The following NCKAP5 variants were observed in gnomAD, a reference collection of about 807,000 sequenced individuals.
The protein encoded by NCKAP5 is nck-associated protein 5.
In NCKAP5, 92 loss-of-function variants were observed where a neutral mutation model predicts 167.0. The ratio of observed to expected loss-of-function variants is 0.55; its 90% CI spans 0.47 to 0.66. The LOEUF (loss-of-function observed/expected upper bound fraction) is 0.66. Among genes scored for constraint, NCKAP5 ranks in the 30% least tolerant of loss-of-function variants. The pLI is 0.00. For missense variants in NCKAP5, 2,378 were observed against 2,315.0 expected (o/e 1.03, Z -0.56); for synonymous variants, 891 against 877.4 (o/e 1.02, Z -0.27).
chr2:133,284,221 C>G (rs2090026927), intron 4 of NCKAP5, among the ~76,000 whole-genome samples: 1 of 151,534 alleles, frequency 6.6e-6, no homozygotes, highest in Non-Finnish European at 1.5e-5. Context: ...AATTACTAAC[C>G]CCTAAAATGT....
chr2:133,639,936 C>A, the NCKAP5 span, among the ~76,000 whole-genome samples: 1 of 152,080 alleles, frequency 6.6e-6, no homozygotes, highest in Non-Finnish European at 1.5e-5. Context: ...CCCACCAACA[C>A]AATTAGGAAT....
In NCKAP5 at chr2:132,783,407, T is replaced by C. The variant is rs752837739; in HGVS notation, c.3404A>G (p.Gln1135Arg). The C allele has an allele frequency of 8.8e-6, 14 of 1,594,832 alleles. No individual in the cohort carries two copies. In the Admixed American group the frequency reaches 2.2e-4, roughly 25 times the overall value. ...AKSHNSPHGC[Q>R]SAHEKGLKTR... is the part of the protein sequence containing the mutation. ...TTTCAGTCCTTTCTCATGAGCACTT[T>C]GACAACCATGAGGGCTGTTATGGCT... The change falls in exon 14 of 20, where the codon CAA (glutamine) becomes CGA (arginine). Residue 1135 changes from glutamine to arginine, a missense_variant. Gln to Arg is a conservative substitution (Grantham distance 43, BLOSUM62 1). This residue lies in a region of NCKAP5 where 1,325 missense variants were observed against 1,274.5 expected (regional missense o/e 1.04). Transcript: ENST00000409261.
intron 3 of NCKAP5, among the ~76,000 whole-genome samples, chr2:133,364,518 T>G (rs993903651): frequency 6.6e-6 from 1 of 152,152 alleles, no homozygotes; most frequent in Non-Finnish European, 1.5e-5. Context: ...AGTTGTCATT[T>G]CTCCTTAGTT....
At chr2:133,668,814 C>T in the NCKAP5 span, among the ~76,000 whole-genome samples, 100 of 152,232 alleles carry the variant, frequency 6.6e-4, no homozygotes, top group African/African-American at 2.3e-3. Flanking sequence ...CTGCTCCTTC[C>T]TATCTTTCCT....
At chr2:133,057,175 T>C (rs984602863) in intron 6 of NCKAP5, among the ~76,000 whole-genome samples, 5 of 152,166 alleles carry the variant, frequency 3.3e-5, no homozygotes, top group African/African-American at 1.2e-4. Context: ...ATTGGTCATT[T>C]CCCTGATTCC....
At chr2:133,544,485 A>G (rs1052697819) in intron 2 of NCKAP5, among the ~76,000 whole-genome samples, 1 of 152,206 alleles carries the variant, frequency 6.6e-6, no homozygotes, top group Admixed American at 6.5e-5. Flanking sequence ...TCCCCACTTA[A>G]TAATATGTCA....
At chr2:133,336,322 C>T (rs935976240) in intron 3 of NCKAP5, among the ~76,000 whole-genome samples, 2 of 152,062 alleles carry the variant, frequency 1.3e-5, no homozygotes, top group African/African-American at 2.4e-5. Context: ...TGATCGCACA[C>T]CAAGTAAGCG....
At chr2:133,497,094 G>A (rs1215861598) in intron 3 of NCKAP5, among the ~76,000 whole-genome samples, 1 of 152,152 alleles carries the variant, frequency 6.6e-6, no homozygotes, top group Non-Finnish European at 1.5e-5. Context: ...TGGAAACTGA[G>A]CACTATACAG....
intron 19 of NCKAP5, among the ~76,000 whole-genome samples, chr2:132,715,646 G>A (rs1373820801): frequency 1.3e-5 from 2 of 152,158 alleles, no homozygotes; most frequent in East Asian, 1.9e-4. Context: ...TAGCAGCCTC[G>A]AATAATCTGT....
At chr2:133,244,462 G>T (rs997577172) in intron 4 of NCKAP5, among the ~76,000 whole-genome samples, 1 of 151,878 alleles carries the variant, frequency 6.6e-6, no homozygotes, top group South Asian at 2.1e-4. Flanking sequence ...CCTATTTTAT[G>T]CACAGTTAGC....
At chr2:133,102,682 T>C (rs2081555149) in intron 6 of NCKAP5, among the ~76,000 whole-genome samples, 1 of 151,926 alleles carries the variant, frequency 6.6e-6, no homozygotes, top group Admixed American at 6.6e-5. Flanking sequence ...TCCATGATCA[T>C]GCCTTTGGCT....
intron 6 of NCKAP5, among the ~76,000 whole-genome samples, chr2:133,005,956 A>G (rs1172947719): frequency 2.0e-5 from 3 of 152,162 alleles, no homozygotes; most frequent in African/African-American, 7.2e-5. Context: ...TGGCCTGGAC[A>G]ATCAAAATTT....
At chr2:133,178,911 A>G (rs2084605580) in intron 5 of NCKAP5, among the ~76,000 whole-genome samples, 1 of 151,788 alleles carries the variant, frequency 6.6e-6, no homozygotes. Context: ...CATTCCTTTA[A>G]TCCCAACACT....
intron 3 of NCKAP5, among the ~76,000 whole-genome samples, chr2:133,343,912 G>C (rs1404358041): frequency 6.6e-6 from 1 of 152,182 alleles, no homozygotes; most frequent in Non-Finnish European, 1.5e-5. Context: ...GATGTCACCG[G>C]ATGAGGAGTT....
At chr2:133,560,856 C>G (rs1273834056) in intron 1 of NCKAP5, among the ~76,000 whole-genome samples, 1 of 152,208 alleles carries the variant, frequency 6.6e-6, no homozygotes, top group Non-Finnish European at 1.5e-5. Context: ...GCAAGTATAA[C>G]TTGTGCCTAG....
chr2:133,489,104 G>T (rs780738998), intron 3 of NCKAP5, among the ~76,000 whole-genome samples: 4 of 152,090 alleles, frequency 2.6e-5, no homozygotes, highest in Admixed American at 6.6e-5. Context: ...AAGTCGGCAG[G>T]TAGTTAAGGG....
intron 19 of NCKAP5, among the ~76,000 whole-genome samples, chr2:132,723,666 G>A (rs749217734): frequency 6.6e-6 from 1 of 152,182 alleles, no homozygotes; most frequent in South Asian, 2.1e-4. Context: ...CACTGGCTGC[G>A]TTTCAGGTGC....
intron 19 of NCKAP5, among the ~76,000 whole-genome samples, chr2:132,712,400 C>T (rs1443543152): frequency 1.3e-5 from 2 of 152,136 alleles, no homozygotes; most frequent in African/African-American, 4.8e-5. Context: ...TCCTGTAATC[C>T]CAGCACTTTG....
At chr2:132,849,984 T>C (rs933708866) in intron 11 of NCKAP5, among the ~76,000 whole-genome samples, 2 of 152,222 alleles carry the variant, frequency 1.3e-5, no homozygotes, top group Non-Finnish European at 2.9e-5. Context: ...TACTCTTCTC[T>C]AAACAGAATG....
Sources: gnomAD v4.1 joint callset for allele counts (sites outside exome capture counted in the v4.1 genomes callset) on GRCh38, gnomAD v4.1.1 for gene constraint, gnomAD v4.1.1 regional missense constraint, MANE v1.5 for transcripts, NCBI Gene and HGNC (gene_info 2026-07-23, HGNC 2026-07-21) for gene names.